Variants in ZNF445 observed in about 807,000 individuals in gnomAD.
ZNF445 encodes the protein zinc finger protein 445.
Under a neutral mutation model 93.9 loss-of-function variants are expected in ZNF445, and 19 were observed. The observed-to-expected ratio is 0.20, with a 90% confidence interval of 0.14 to 0.30. The LOEUF is 0.30. Among genes scored for constraint, ZNF445 ranks in the 10% least tolerant of loss-of-function variants. The pLI is 1.00. For missense variants in ZNF445, 1,058 were observed against 1,259.4 expected (o/e 0.84, Z 2.42); for synonymous variants, 449 against 446.3 (o/e 1.01, Z -0.08).
intron 3 of ZNF445, among the ~76,000 whole-genome samples, chr3:44,454,557 C>T (rs185255372): frequency 5.9e-5 from 9 of 151,840 alleles, no homozygotes; most frequent in Admixed American, 3.3e-4. Context: ...CACCTCAGTC[C>T]CCCAAGTAGC....
Position 44,455,428 on chromosome 3 carries a change from G to A in ZNF445, c.122C>T (p.Ala41Val). 1 of 1,614,210 alleles carries A rather than the reference G, an allele frequency of 6.2e-7. No individual in the cohort carries two copies. The highest frequency in any genetic ancestry group is 1.1e-5 in the South Asian group (1 of 91,086). Reference sequence around the variant, plus strand: ...AGGGCGGTTGAGAGTCTGTGGCCTGGCAGCCTGCACTGGAGTATAGCTTTC... The same window carrying A: ...AGGGCGGTTGAGAGTCTGTGGCCTGACAGCCTGCACTGGAGTATAGCTTTC... ...EDESYTPVQAARPQTLNRPGQ... is the reference protein window; with the variant it reads ...EDESYTPVQAVRPQTLNRPGQ... The change falls in exon 3 of 8, where the codon GCC (alanine) becomes GTC (valine). Residue 41 changes from alanine to valine, a missense_variant. Physicochemically the swap from Ala to Val is moderately conservative, Grantham distance 64 (BLOSUM62 0). This residue lies in a region of ZNF445 where 657 missense variants were observed against 746.4 expected (regional missense o/e 0.88). Coordinates refer to ENST00000396077, the MANE Select transcript of ZNF445 (RefSeq NM_181489.6).
Position 44,446,940 on chromosome 3 carries a change from G to A in ZNF445, c.2731C>T (p.Leu911Phe), listed in dbSNP as rs1188458957. ...GTGTGTTTCCTCTGGTGACTGGAAA[G>A]GGTATGTCTCCCAATGAACTCTTTC... ...CGKEFIGRHT[L>F]SSHQRKHTRA... Residue 911 changes from leucine to phenylalanine, a missense_variant, in exon 8 of 8, where the codon CTT becomes TTT. Around this residue, in one of 3 missense-constraint regions of ZNF445, gnomAD observed 387 missense variants for 475.7 expected, o/e 0.81. Coordinates refer to ENST00000396077, the MANE Select transcript of ZNF445 (RefSeq NM_181489.6). This position sits in a 1 kb window ranked among gnomAD's most constrained non-coding sequence, Gnocchi z 4.2. 1.2e-6 allele frequency: 2 copies of A among 1,613,964 alleles called. No homozygotes were observed.
rs188612272 is a variant in ZNF445, at chr3:44,440,357, C to T, written c.*6218G>A. ...GAAAAACATCTCCATCTTCTGGATC[C>T]CATTTCTTCATTAAAATTATGAGTT... is the stretch of plus-strand genomic sequence containing the variant. On this transcript the variant is annotated 3_prime_UTR_variant, in exon 8 of 8. Transcript: ENST00000396077. 3.4e-4 allele frequency: 52 copies of T among 152,198 alleles called. No homozygotes were observed. The highest frequency in any genetic ancestry group is 1.2e-3 in the African/African-American group (51 of 41,500). 9.4% of individuals were successfully genotyped at this position (152,198 alleles called of 1,614,324 possible).
chr3:44,469,024 A>G lies in ZNF445; in HGVS notation c.-269+8567T>C, dbSNP rs578109098. ...TGTAATTCCAGTATTTTGGGAGGAT[A>G]GTGAGAGTCTGTCTCAAAAAAAAAA... On this transcript the variant is annotated intron_variant, in intron 1 of 7. Coordinates refer to ENST00000396077, the MANE Select transcript of ZNF445 (RefSeq NM_181489.6). 1.0e-3 allele frequency among the ~76,000 whole-genome samples: 154 copies of G among 149,066 alleles called. 1 individual carries two copies. The highest frequency in any genetic ancestry group is 3.5e-3 in the Middle Eastern group (1 of 288).
In ZNF445 at chr3:44,446,331, C is replaced by G; in HGVS notation, c.*244G>C. 1.9e-6 allele frequency: 1 copy of G among 533,680 alleles called. No homozygotes were observed. Among genetic ancestry groups the G allele is most frequent in the Non-Finnish European group, 3.3e-6 (1 of 302,686 alleles). The allele number at this position is 533,680 out of a possible 1,614,324, so 33.1% of individuals were successfully genotyped here. ...GGAGCCGCAGGCTATGGTGCAGAGG[C>G]CACTCCTAGGGGCCGGAGTCTCCAG... On this transcript the variant is annotated 3_prime_UTR_variant, in exon 8 of 8. Coordinates refer to ENST00000396077, the MANE Select transcript of ZNF445 (RefSeq NM_181489.6). This position sits in a 1 kb window ranked among gnomAD's most constrained non-coding sequence, Gnocchi z 4.2.
chr3:44,433,646 AGAG>A lies in ZNF445; in HGVS notation c.*12926_*12928del, dbSNP rs1454438485. ...GGACCAAGTTCTGGCTTCTGCCCTTAGAGGAGCCGGACCTGCAGAGAGAGAGTG... is the reference window on the plus strand; with the variant it reads ...GGACCAAGTTCTGGCTTCTGCCCTTAGAGCCGGACCTGCAGAGAGAGAGTG... On this transcript the variant is annotated 3_prime_UTR_variant, in exon 8 of 8. Transcript: ENST00000396077. The A allele has an allele frequency of 6.6e-6, 1 of 152,418 alleles. No homozygotes were observed. The highest frequency in any genetic ancestry group is 1.5e-5 in the Non-Finnish European group (1 of 68,228). 9.4% of individuals were successfully genotyped at this position (152,418 alleles called of 1,614,324 possible). A position where few individuals can be genotyped will look rare whatever the true frequency, so the allele number is the denominator to read the frequency against.
chr3:44,471,023 G>T (rs562412975), intron 1 of ZNF445, among the ~76,000 whole-genome samples: 5 of 151,674 alleles, frequency 3.3e-5, no homozygotes, highest in Non-Finnish European at 4.4e-5. Context: ...TATCCAGAAA[G>T]AAAACAGAAA....
At chr3:44,458,656 A>G (rs1236207626) in intron 1 of ZNF445, among the ~76,000 whole-genome samples, 1 of 152,162 alleles carries the variant, frequency 6.6e-6, no homozygotes, top group Non-Finnish European at 1.5e-5. Flanking sequence ...CCTCAGAAGC[A>G]GGGCTCAGAA....
chr3:44,473,492 A>ACAC (rs1559400839), intron 1 of ZNF445, among the ~76,000 whole-genome samples: 4,129 of 89,066 alleles, frequency 0.046, 89 homozygotes, highest in Middle Eastern at 0.053. Context: ...CACACACACA[A>ACAC]AAAATGCTTT....
At position 44,447,322 on chromosome 3, in the gene ZNF445, A is replaced by C; in HGVS notation, c.2349T>G (p.Val783=). 1 of 1,614,140 alleles carries C rather than the reference A, an allele frequency of 6.2e-7. No homozygotes were observed. Among genetic ancestry groups the C allele is most frequent in the Non-Finnish European group, 8.5e-7 (1 of 1,180,018 alleles). Residue 783 remains valine, a synonymous_variant, in exon 8 of 8, where the codon GTT becomes GTG. Coordinates refer to ENST00000396077, the MANE Select transcript of ZNF445 (RefSeq NM_181489.6). This position sits in a 1 kb window ranked among gnomAD's most constrained non-coding sequence, Gnocchi z 4.7. ...NHSFLLIHQR[V]HTGEKPYKCR... ...ACTTATATGGCTTCTCTCCAGTGTGAACTCTCTGATGGATGAGGAGGAATG... is the reference window on the plus strand; with the variant it reads ...ACTTATATGGCTTCTCTCCAGTGTGCACTCTCTGATGGATGAGGAGGAATG...
At chr3:44,453,685 T>C (rs1219789510) in intron 3 of ZNF445, among the ~76,000 whole-genome samples, 1 of 152,228 alleles carries the variant, frequency 6.6e-6, no homozygotes, top group Non-Finnish European at 1.5e-5. Context: ...TCAGCTCCCC[T>C]GTGTGCAGGA....
At chr3:44,451,771 C>T (rs1428235386) in intron 3 of ZNF445, among the ~76,000 whole-genome samples, 1 of 152,118 alleles carries the variant, frequency 6.6e-6, no homozygotes, top group South Asian at 2.1e-4. Context: ...TCTTGTCAGG[C>T]CTCAGATGAC....
chr3:44,450,484 A>T lies in ZNF445; in HGVS notation c.783T>A (p.Asp261Glu). Residue 261 changes from aspartate to glutamate, a missense_variant, in exon 6 of 8, where the codon GAT (aspartate) becomes GAA (glutamate). Physicochemically the swap from Asp to Glu is conservative, Grantham distance 45 (BLOSUM62 2). This residue lies in a region of ZNF445 where 657 missense variants were observed against 746.4 expected (regional missense o/e 0.88). Coordinates refer to ENST00000396077, the MANE Select transcript of ZNF445 (RefSeq NM_181489.6). ...TGTTCCTATAATTCTCCAGCATCAC[A>T]TCCCTGTACAGGTTCCTCTGAGCAG... ...LDSAQRNLYR[D>E]VMLENYRNMA... The T allele has an allele frequency of 6.2e-7, 1 of 1,614,110 alleles. No individual in the cohort carries two copies. The highest frequency in any genetic ancestry group is 8.5e-7 in the Non-Finnish European group (1 of 1,180,000).
At chr3:44,454,846 T>C (rs1698005641) in intron 3 of ZNF445, 1 of 473,436 alleles carries the variant, frequency 2.1e-6, no homozygotes, top group Admixed American at 3.5e-5. Flanking sequence ...TGGGATTACA[T>C]GTGTGAGCCA....
At position 44,449,538 on chromosome 3, in the gene ZNF445, C is replaced by T. The variant is rs1486114686; in HGVS notation, c.906G>A (p.Lys302=). 1 of 1,614,188 alleles carries T rather than the reference C, an allele frequency of 6.2e-7. No homozygotes were observed. The highest frequency in any genetic ancestry group is 1.7e-5 in the Admixed American group (1 of 60,026). The change falls in exon 7 of 8, where the codon AAG becomes AAA. Residue 302 remains lysine (K), a synonymous_variant. Coordinates refer to ENST00000396077, the MANE Select transcript of ZNF445 (RefSeq NM_181489.6). ...WGLNMQAAQP[K]GNPVAAPTGD... Reference sequence around the variant, plus strand: ...CTGTAGGAGCAGCAACTGGATTCCCCTTAGGCTGAGCTGCCTGCATGTTCA... The same window carrying T: ...CTGTAGGAGCAGCAACTGGATTCCCTTTAGGCTGAGCTGCCTGCATGTTCA...
chr3:44,446,161 T>G lies in ZNF445; in HGVS notation c.*414A>C, dbSNP rs371909261. ...GCTTTTAAAGTCAACAGAATAGGCATGGCCACAGGCCAAACTTGAAGACAA... is the reference window on the plus strand; with the variant it reads ...GCTTTTAAAGTCAACAGAATAGGCAGGGCCACAGGCCAAACTTGAAGACAA... On this transcript the variant is annotated 3_prime_UTR_variant, in exon 8 of 8. Coordinates refer to ENST00000396077, the MANE Select transcript of ZNF445 (RefSeq NM_181489.6). This position sits in a 1 kb window ranked among gnomAD's most constrained non-coding sequence, Gnocchi z 4.2. The G allele has an allele frequency of 4.8e-6, 1 of 207,858 alleles. No homozygotes were observed. The highest frequency in any genetic ancestry group is 9.7e-6 in the Non-Finnish European group (1 of 103,418). 12.9% of individuals were successfully genotyped at this position (207,858 alleles called of 1,614,324 possible).
intron 1 of ZNF445, among the ~76,000 whole-genome samples, chr3:44,463,276 T>A (rs932000203): frequency 1.3e-5 from 2 of 152,168 alleles, no homozygotes; most frequent in South Asian, 4.1e-4. Context: ...CCTCAGGTGA[T>A]CTGCCTGACT....
At chr3:44,467,022 T>A (rs1419597595) in intron 1 of ZNF445, among the ~76,000 whole-genome samples, 1 of 152,220 alleles carries the variant, frequency 6.6e-6, no homozygotes, top group Admixed American at 6.5e-5. Context: ...AGGCAGTTTA[T>A]AATCAGATAT....
Position 44,441,098 on chromosome 3 carries a change from A to T in ZNF445, c.*5477T>A, listed in dbSNP as rs757859277. 2 of 152,044 alleles carry T rather than the reference A, an allele frequency of 1.3e-5. No individual in the cohort carries two copies. Among genetic ancestry groups the T allele is most frequent in the Non-Finnish European group, 2.9e-5 (2 of 68,024 alleles). 9.4% of individuals were successfully genotyped at this position (152,044 alleles called of 1,614,324 possible). A position where few individuals can be genotyped will look rare whatever the true frequency, so the allele number is the denominator to read the frequency against. On this transcript the variant is annotated 3_prime_UTR_variant, in exon 8 of 8. Transcript: ENST00000396077. ...CCAGCTAATTTTTGTATTTTTTAGT[A>T]GAGACAGGGTTTCACCATGTTGGCC...
Sources: allele counts gnomAD v4.1 joint callset (sites outside exome capture counted in the v4.1 genomes callset), GRCh38; gene constraint gnomAD v4.1.1; regional missense constraint gnomAD v4.1.1; non-coding constraint Gnocchi (gnomAD v3.1); transcripts MANE v1.5; gene names NCBI Gene and HGNC (gene_info 2026-07-23, HGNC 2026-07-21).